Variants in STAP1 observed in about 807,000 individuals in gnomAD.
STAP1 encodes the protein signal transducing adaptor family member 1.
A neutral mutation model predicts 37.8 loss-of-function variants in STAP1; 30 were observed. The observed-to-expected ratio is 0.79, with a 90% CI of 0.59 to 1.08. The LOEUF is 1.08. STAP1 is among the 50% of genes least tolerant of loss of function. The probability of loss-of-function intolerance (pLI) is 0.00; values close to 1 mark genes in which losing one functional copy is unlikely to be tolerated. For missense variants in STAP1, 357 were observed against 349.4 expected, an observed-to-expected ratio of 1.02 and a Z score of -0.17; for synonymous variants, 130 against 116.0, an observed-to-expected ratio of 1.12 and a Z score of -0.78.
chr4:67,580,224 A>G (rs1287737115), intron 4 of STAP1, among the ~76,000 whole-genome samples: 1 of 152,138 alleles, frequency 6.6e-6, no homozygotes, highest in African/African-American at 2.4e-5. Flanking sequence ...CTTGAGCTAT[A>G]ATAGTCAATT....
intron 1 of STAP1, among the ~76,000 whole-genome samples, chr4:67,569,725 T>C (rs1727556360): frequency 6.6e-6 from 1 of 150,664 alleles, no homozygotes; most frequent in Admixed American, 6.6e-5. Context: ...TCATATCTTA[T>C]TCCATTTTGT....
intron 3 of STAP1, among the ~76,000 whole-genome samples, 173 bp downstream of exon 3, chr4:67,575,671 G>A (rs1341796053): frequency 6.6e-6 from 1 of 152,146 alleles, no homozygotes; most frequent in Non-Finnish European, 1.5e-5. Context: ...TTAAAAAGAC[G>A]TGTTCACTTG....
At chr4:67,584,418 T>C (rs760957817) in intron 6 of STAP1, among the ~76,000 whole-genome samples, 1 of 152,212 alleles carries the variant, frequency 6.6e-6, no homozygotes, top group Non-Finnish European at 1.5e-5. Flanking sequence ...TTTACATTCT[T>C]GTAGGGAGAC....
intron 8 of STAP1, among the ~76,000 whole-genome samples, chr4:67,594,513 C>G (rs529628095): frequency 1.3e-5 from 2 of 151,558 alleles, no homozygotes; most frequent in African/African-American, 4.8e-5. Context: ...TGAAGCAGCA[C>G]AGTTCACTTC....
intron 2 of STAP1, among the ~76,000 whole-genome samples, chr4:67,572,165 C>T (rs1203779978): frequency 6.6e-6 from 1 of 152,116 alleles, no homozygotes; most frequent in African/African-American, 2.4e-5. Context: ...GGGCCAGTTA[C>T]CCCACCTCTC....
intron 5 of STAP1, among the ~76,000 whole-genome samples, chr4:67,582,555 G>T (rs114649093): frequency 6.6e-6 from 1 of 151,714 alleles, no homozygotes; most frequent in Admixed American, 6.6e-5. Context: ...TGATCCACCC[G>T]CCTTGGCCTA....
At chr4:67,584,598 T>G (rs1255301359) in intron 6 of STAP1, among the ~76,000 whole-genome samples, 1 of 152,184 alleles carries the variant, frequency 6.6e-6, no homozygotes, top group Non-Finnish European at 1.5e-5. Flanking sequence ...ATTGACTGAT[T>G]TAAGCAGAGA....
chr4:67,597,556 A>T (rs1235765418), intron 8 of STAP1, among the ~76,000 whole-genome samples: 1 of 152,202 alleles, frequency 6.6e-6, no homozygotes, highest in Non-Finnish European at 1.5e-5. Context: ...TGCCACAGGC[A>T]CTTAATGCCA....
intron 8 of STAP1, among the ~76,000 whole-genome samples, chr4:67,596,968 T>C (rs1225400492): frequency 2.0e-5 from 3 of 152,168 alleles, no homozygotes; most frequent in African/African-American, 7.2e-5. Flanking sequence ...GCTGCAGAAA[T>C]TTGCATAAGA....
chr4:67,598,786 G>A (rs1220610363), intron 8 of STAP1, among the ~76,000 whole-genome samples: 1 of 152,126 alleles, frequency 6.6e-6, no homozygotes, highest in East Asian at 1.9e-4. Context: ...AACTTAATGC[G>A]ATCCCATTTG....
intron 6 of STAP1, among the ~76,000 whole-genome samples, chr4:67,590,161 A>T (rs138179257): frequency 2.0e-5 from 3 of 152,330 alleles, no homozygotes; most frequent in East Asian, 3.9e-4. Flanking sequence ...GCCTAATGCT[A>T]GAATACAGTG....
chr4:67,593,422 T>C (rs192899556), intron 8 of STAP1, 66 bp downstream of exon 8: 589 of 1,183,318 alleles, frequency 5.0e-4, no homozygotes, highest in Non-Finnish European at 4.4e-4. Flanking sequence ...TCCCCAAAAC[T>C]CTGCATATGA....
chr4:67,560,254 T>C (rs1372098540), intron 1 of STAP1, among the ~76,000 whole-genome samples: 1 of 152,210 alleles, frequency 6.6e-6, no homozygotes, highest in Non-Finnish European at 1.5e-5. Flanking sequence ...GTTTTGCCAC[T>C]TATAGCTTGT....
chr4:67,571,260 G>T (rs560930452), intron 2 of STAP1, 105 bp downstream of exon 2: 2 of 732,684 alleles, frequency 2.7e-6, no homozygotes, highest in Admixed American at 2.7e-5. Context: ...AAGATGCTCT[G>T]GTAAAATTAA....
intron 1 of STAP1, 150 bp downstream of exon 1, chr4:67,559,079 T>C: frequency 3.9e-6 from 3 of 762,034 alleles, no homozygotes; most frequent in South Asian, 6.8e-5. Context: ...TTCCAATTTT[T>C]CATAATTTAA....
intron 2 of STAP1, among the ~76,000 whole-genome samples, chr4:67,572,084 A>G (rs1450071370): frequency 1.3e-5 from 2 of 152,188 alleles, no homozygotes; most frequent in Admixed American, 6.5e-5. Context: ...TTAATAATCG[A>G]GAGCCTGGTC....
intron 2 of STAP1, among the ~76,000 whole-genome samples, chr4:67,572,609 A>C (rs1384188681): frequency 1.3e-5 from 2 of 152,180 alleles, no homozygotes; most frequent in Non-Finnish European, 2.9e-5. Context: ...AGTGAATCTA[A>C]AAGAGCAAAC....
At chr4:67,580,883 T>C (rs547050640) in intron 4 of STAP1, among the ~76,000 whole-genome samples, 1 of 152,328 alleles carries the variant, frequency 6.6e-6, no homozygotes, top group South Asian at 2.1e-4. Flanking sequence ...CTGAATCCCA[T>C]GTTGCCATAT....
intron 8 of STAP1, among the ~76,000 whole-genome samples, chr4:67,594,667 C>T (rs977838114): frequency 9.2e-5 from 14 of 152,092 alleles, no homozygotes; most frequent in Non-Finnish European, 2.1e-4. Context: ...ACAATGTCTT[C>T]CCTCAGTTTT....
Sources: allele counts gnomAD v4.1 joint callset (sites outside exome capture counted in the v4.1 genomes callset), GRCh38; gene constraint gnomAD v4.1.1; transcripts MANE v1.5; gene names NCBI Gene and HGNC (gene_info 2026-07-23, HGNC 2026-07-21).